The following OSBPL9 variants were observed in gnomAD, a reference collection of about 807,000 sequenced individuals.
OSBPL9 encodes oxysterol-binding protein-related protein 9.
In OSBPL9, 40 loss-of-function variants were observed where a neutral mutation model predicts 106.6. That is an observed-to-expected ratio of 0.38 (90% CI 0.29 to 0.49). OSBPL9 has a LOEUF of 0.49. OSBPL9 is among the 20% of genes least tolerant of loss of function. The pLI is 0.97. For synonymous variants in OSBPL9, 269 were observed against 295.4 expected, an observed-to-expected ratio of 0.91 and a Z score of 0.92; for missense variants, 609 against 887.2, an observed-to-expected ratio of 0.69 and a Z score of 3.98.
chr1:51,552,806 G>C, the OSBPL9 span, among the ~76,000 whole-genome samples: 1 of 151,752 alleles, frequency 6.6e-6, no homozygotes, highest in Non-Finnish European at 1.5e-5. Context: ...TTTATTTTTA[G>C]TAGAGGTGGG....
chr1:51,737,543 GGGGTGT>G (rs1452135041), intron 4 of OSBPL9, among the ~76,000 whole-genome samples: 2 of 92,650 alleles, frequency 2.2e-5, no homozygotes, highest in East Asian at 5.8e-4. Flanking sequence ...TTATATTTCA[GGGGTGT>G]GTGTGTGTGT....
the OSBPL9 span, among the ~76,000 whole-genome samples, chr1:51,559,289 G>C: frequency 8.8e-4 from 134 of 152,198 alleles, no homozygotes; most frequent in African/African-American, 3.1e-3. Context: ...GGCTGAGTGT[G>C]GGGGTGGGGG....
At chr1:51,686,016 T>C (rs1653713353) in intron 3 of OSBPL9, among the ~76,000 whole-genome samples, 3 of 152,250 alleles carry the variant, frequency 2.0e-5, no homozygotes, top group African/African-American at 7.2e-5. Context: ...AAAAGAAAAT[T>C]GAACTGGTCC....
chr1:51,637,421 C>T (rs1645519266), intron 1 of OSBPL9, among the ~76,000 whole-genome samples: 1 of 151,472 alleles, frequency 6.6e-6, no homozygotes, highest in Non-Finnish European at 1.5e-5. Context: ...TACAGTGAGC[C>T]GAGATCACAC....
chr1:51,765,263 ATC>A lies in OSBPL9; in HGVS notation c.779-556_779-555del, dbSNP rs1399372240. On this transcript the variant is annotated intron_variant, in intron 11 of 23. Transcript: ENST00000428468. ...CTTCTCATCGTAGTCCTCTATTTTT[ATC>A]TCCACCTCTGAGCCCCTGACTTAGG... Among the ~76,000 whole-genome samples, 4 of 152,164 alleles carry A rather than the reference ATC, an allele frequency of 2.6e-5. No homozygotes were observed. In the East Asian group the frequency reaches 7.7e-4, roughly 29 times the overall value.
At chr1:51,633,607 A>G (rs1383109775) in intron 1 of OSBPL9, among the ~76,000 whole-genome samples, 1 of 111,058 alleles carries the variant, frequency 9.0e-6, no homozygotes, top group Non-Finnish European at 1.8e-5. Flanking sequence ...TAAAGTAAAT[A>G]AAATAAAATA....
intron 3 of OSBPL9, among the ~76,000 whole-genome samples, chr1:51,711,037 T>C (rs957088918): frequency 6.6e-6 from 1 of 152,166 alleles, no homozygotes; most frequent in African/African-American, 2.4e-5. Flanking sequence ...ATTTTCTTTT[T>C]TTTTTTTTCC....
chr1:51,601,794 C>G (rs1204287377), intron 2 of OSBPL9, among the ~76,000 whole-genome samples: 1 of 152,182 alleles, frequency 6.6e-6, no homozygotes, highest in South Asian at 2.1e-4. Flanking sequence ...CAATTAAGTA[C>G]AAGCACTTTG....
chr1:51,622,434 A>T (rs1233104754), intron 1 of OSBPL9, among the ~76,000 whole-genome samples: 1 of 152,204 alleles, frequency 6.6e-6, no homozygotes, highest in Non-Finnish European at 1.5e-5. Context: ...ATGACAGATT[A>T]CTCCAAAATG....
chr1:51,687,866 G>T (rs757459163), intron 3 of OSBPL9, among the ~76,000 whole-genome samples: 2 of 152,202 alleles, frequency 1.3e-5, no homozygotes, highest in Non-Finnish European at 2.9e-5. Context: ...GGCTCAGAGG[G>T]AACACTAGGA....
At chr1:51,611,615 C>T (rs1643988426) in intron 2 of OSBPL9, among the ~76,000 whole-genome samples, 1 of 152,182 alleles carries the variant, frequency 6.6e-6, no homozygotes, top group African/African-American at 2.4e-5. Context: ...ATGGTCTAAA[C>T]AGCTGTGTAA....
intron 11 of OSBPL9, among the ~76,000 whole-genome samples, chr1:51,762,249 T>G (rs1014086118): frequency 7.2e-5 from 11 of 152,230 alleles, no homozygotes; most frequent in African/African-American, 2.4e-4. Context: ...AGTGGTACGA[T>G]CAGGGCTCAC....
chr1:51,595,928 C>T (rs989417198), intron 1 of OSBPL9, among the ~76,000 whole-genome samples: 1 of 152,116 alleles, frequency 6.6e-6, no homozygotes, highest in East Asian at 1.9e-4. Context: ...AGTGCCTTCA[C>T]TACACTTTCG....
intron 1 of OSBPL9, among the ~76,000 whole-genome samples, chr1:51,625,362 T>G (rs1196884528): frequency 2.0e-5 from 3 of 152,120 alleles, no homozygotes; most frequent in African/African-American, 7.2e-5. Flanking sequence ...AAGGATTAGA[T>G]TTTCAAATAG....
chr1:51,533,366 G>A, the OSBPL9 span, among the ~76,000 whole-genome samples: 1 of 151,568 alleles, frequency 6.6e-6, no homozygotes, highest in Admixed American at 6.6e-5. Flanking sequence ...CATGCCTGTA[G>A]TCCCAGCTAC....
the OSBPL9 span, among the ~76,000 whole-genome samples, chr1:51,533,038 A>T: frequency 6.6e-6 from 1 of 152,150 alleles, no homozygotes; most frequent in Admixed American, 6.5e-5. Context: ...AATAATTGGT[A>T]ATTATTAATT....
At chr1:51,562,273 A>G in the OSBPL9 span, among the ~76,000 whole-genome samples, 1 of 151,866 alleles carries the variant, frequency 6.6e-6, no homozygotes, top group Non-Finnish European at 1.5e-5. Flanking sequence ...AGTTATCATG[A>G]TATCTGGTTA....
At chr1:51,666,378 C>T (rs553732187) in intron 2 of OSBPL9, among the ~76,000 whole-genome samples, 2 of 152,002 alleles carry the variant, frequency 1.3e-5, no homozygotes, top group African/African-American at 4.8e-5. Context: ...AGAAATAGAG[C>T]TTGAAGAATG....
At chr1:51,744,889 C>G (rs1235562246) in intron 4 of OSBPL9, among the ~76,000 whole-genome samples, 1 of 152,090 alleles carries the variant, frequency 6.6e-6, no homozygotes, top group Non-Finnish European at 1.5e-5. Flanking sequence ...AATAAGTAGG[C>G]CTTCTAAATA....
Sources: allele counts gnomAD v4.1 joint callset (sites outside exome capture counted in the v4.1 genomes callset), GRCh38; gene constraint gnomAD v4.1.1; transcripts MANE v1.5; gene names NCBI Gene and HGNC (gene_info 2026-07-23, HGNC 2026-07-21).